Variants in DOCK1 observed in about 807,000 individuals in gnomAD.
The protein encoded by DOCK1 is dedicator of cytokinesis protein 1.
In DOCK1, 138 loss-of-function variants were observed where a neutral mutation model predicts 262.7. The ratio of observed to expected loss-of-function variants is 0.53; its 90% CI spans 0.46 to 0.61. The LOEUF (loss-of-function observed/expected upper bound fraction) is 0.61, where lower values mean the gene tolerates loss of function less well. DOCK1 is among the 20% of genes least tolerant of loss of function. The pLI is 0.00. For synonymous variants in DOCK1, 866 were observed against 867.4 expected (o/e 1.00, Z 0.03); for missense variants, 1,908 against 2,370.7 (o/e 0.80, Z 4.05).
intron 29 of DOCK1, among the ~76,000 whole-genome samples, chr10:127,278,953 C>T (rs553522419): frequency 6.6e-6 from 1 of 152,180 alleles, no homozygotes; most frequent in Non-Finnish European, 1.5e-5. Flanking sequence ...ATGTCCAGGC[C>T]CTAAGGTGCC....
In DOCK1 at chr10:127,418,453, A is replaced by C; in HGVS notation, c.4604A>C (p.Asp1535Ala). ...AGCATGGTGCAGCAGCACCTGGATG[A>C]CCCCAGCCTGCCCATCAACCCGCTC... ...INSMVQQHLD[D>A]PSLPINPLSM... is the part of the protein sequence containing the mutation. The change falls in exon 45 of 52, where the codon GAC becomes GCC. Residue 1535 changes from aspartate (D) to alanine (A), a missense_variant. Asp to Ala is a moderately radical substitution (Grantham distance 126). This residue lies in a region of DOCK1 where 57 missense variants were observed against 103.1 expected (regional missense o/e 0.55). Coordinates refer to ENST00000623213, the MANE Select transcript of DOCK1 (RefSeq NM_001290223.2). The C allele has an allele frequency of 1.2e-6, 2 of 1,613,816 alleles. No individual in the cohort carries two copies. Among genetic ancestry groups the C allele is most frequent in the Non-Finnish European group, 1.7e-6 (2 of 1,179,936 alleles).
chr10:127,290,590 G>T (rs1286819400), intron 29 of DOCK1, among the ~76,000 whole-genome samples: 4 of 151,934 alleles, frequency 2.6e-5, no homozygotes, highest in African/African-American at 7.3e-5. Context: ...TCTCCTCCTC[G>T]CCCTACCCCG....
intron 1 of DOCK1, among the ~76,000 whole-genome samples, chr10:126,948,973 G>T (rs974210390): frequency 6.6e-6 from 1 of 152,090 alleles, no homozygotes; most frequent in Non-Finnish European, 1.5e-5. Context: ...CCTTTCAGTG[G>T]CCCGGGCCCA....
chr10:127,427,730 G>C (rs904515718), intron 47 of DOCK1, among the ~76,000 whole-genome samples: 2 of 152,174 alleles, frequency 1.3e-5, no homozygotes, highest in Non-Finnish European at 2.9e-5. Context: ...TATGAGACCT[G>C]GGCAACCCCT....
At chr10:127,203,889 C>A (rs1300519835) in intron 27 of DOCK1, among the ~76,000 whole-genome samples, 1 of 150,532 alleles carries the variant, frequency 6.6e-6, no homozygotes, top group Non-Finnish European at 1.5e-5. Flanking sequence ...ACATTTCTTA[C>A]ACAATTTTGA....
intron 24 of DOCK1, among the ~76,000 whole-genome samples, chr10:127,108,524 T>C (rs1180198867): frequency 6.6e-6 from 1 of 152,088 alleles, no homozygotes. Context: ...AGGCAGAAAT[T>C]GCAGTGAGCC....
At chr10:126,918,898 T>TTGGA (rs1254677099) in intron 1 of DOCK1, among the ~76,000 whole-genome samples, 190 of 104,732 alleles carry the variant, frequency 1.8e-3, no homozygotes, top group East Asian at 5.7e-3. Flanking sequence ...CACGGAGGAT[T>TTGGA]CGGACAGGTG....
At position 126,995,169 on chromosome 10, in the gene DOCK1, G is replaced by A. The variant is rs574343294; in HGVS notation, c.474-1579G>A. 2.0e-5 allele frequency among the ~76,000 whole-genome samples: 3 copies of A among 151,292 alleles called. No individual in the cohort carries two copies. Among genetic ancestry groups the A allele is most frequent in the East Asian group, 4.0e-4 (2 of 5,060 alleles). ...CTCACTTCTAGACGGGATGACGGCC[G>A]GGAAGAGGCGCTCCTCACTTCCCAG... is the stretch of plus-strand genomic sequence containing the variant. On this transcript the variant is annotated intron_variant, in intron 6 of 51. Transcript: ENST00000623213. This position sits in a 1 kb window ranked among gnomAD's most constrained non-coding sequence, Gnocchi z 5.8.
intron 46 of DOCK1, among the ~76,000 whole-genome samples, chr10:127,421,416 T>C (rs1394897645): frequency 6.6e-6 from 1 of 152,174 alleles, no homozygotes; most frequent in Non-Finnish European, 1.5e-5. Flanking sequence ...TATACTGATA[T>C]GTAAACATAA....
chr10:127,233,253 A>C (rs1342746018), intron 27 of DOCK1, among the ~76,000 whole-genome samples: 1 of 152,226 alleles, frequency 6.6e-6, no homozygotes, highest in Non-Finnish European at 1.5e-5. Context: ...AGGAAGTGCA[A>C]GCTCTAAATT....
At chr10:127,298,364 G>A (rs1161209180) in intron 29 of DOCK1, among the ~76,000 whole-genome samples, 1 of 152,142 alleles carries the variant, frequency 6.6e-6, no homozygotes, top group Non-Finnish European at 1.5e-5. Flanking sequence ...GTAGCAGAGG[G>A]CTGAATTTAT....
intron 35 of DOCK1, among the ~76,000 whole-genome samples, chr10:127,379,653 G>T (rs2065719938): frequency 6.6e-6 from 1 of 152,198 alleles, no homozygotes; most frequent in African/African-American, 2.4e-5. Context: ...TGTAGCTCTT[G>T]CTGAGGCTGG....
At chr10:127,197,714 C>T (rs1273481386) in intron 27 of DOCK1, among the ~76,000 whole-genome samples, 2 of 152,192 alleles carry the variant, frequency 1.3e-5, no homozygotes, top group African/African-American at 4.8e-5. Context: ...CTATACATCC[C>T]TGAGTCTCTG....
intron 44 of DOCK1, 81 bp downstream of exon 44, chr10:127,415,319 C>T (rs1016138466): frequency 7.1e-7 from 1 of 1,413,530 alleles, no homozygotes; most frequent in African/African-American, 1.4e-5. Flanking sequence ...CCTGCTCATG[C>T]CCCGTGGTCA....
At chr10:127,215,463 G>A (rs1404604189) in intron 27 of DOCK1, among the ~76,000 whole-genome samples, 1 of 152,148 alleles carries the variant, frequency 6.6e-6, no homozygotes, top group Admixed American at 6.5e-5. Context: ...GATAGCCGGG[G>A]CATCTAACCA....
chr10:127,198,014 A>C (rs967469114), intron 27 of DOCK1, among the ~76,000 whole-genome samples: 2 of 151,996 alleles, frequency 1.3e-5, no homozygotes, highest in Admixed American at 6.6e-5. Context: ...GAGCCTGTGG[A>C]TCCAAACTCT....
intron 27 of DOCK1, among the ~76,000 whole-genome samples, chr10:127,152,445 G>A (rs574808048): frequency 4.6e-5 from 7 of 152,326 alleles, no homozygotes; most frequent in African/African-American, 1.2e-4. Flanking sequence ...GCAGCTTGGC[G>A]TGCCATGCCA....
chr10:127,405,267 G>A (rs1169397560), intron 40 of DOCK1, among the ~76,000 whole-genome samples: 6 of 152,172 alleles, frequency 3.9e-5, no homozygotes, highest in African/African-American at 1.2e-4. Context: ...AGCAGTAACC[G>A]TGATCACCTG....
At chr10:127,024,831 C>T (rs1323343419) in intron 15 of DOCK1, 48 bp downstream of exon 15, 4 of 1,477,268 alleles carry the variant, frequency 2.7e-6, no homozygotes, top group Non-Finnish European at 3.7e-6. Flanking sequence ...TTATGAAATG[C>T]TCATTTGTAA....
Sources: gnomAD v4.1 joint callset for allele counts (sites outside exome capture counted in the v4.1 genomes callset) on GRCh38, gnomAD v4.1.1 for gene constraint, gnomAD v4.1.1 regional missense constraint, Gnocchi (gnomAD v3.1) non-coding constraint, MANE v1.5 for transcripts, NCBI Gene and HGNC (gene_info 2026-07-23, HGNC 2026-07-21) for gene names.